HTR2C: variants seen among roughly 807,000 people sequenced by gnomAD.
The protein encoded by HTR2C is 5-hydroxytryptamine (serotonin) receptor 2C, G protein-coupled.
In HTR2C, 5 loss-of-function variants were observed where a neutral mutation model predicts 21.0. That is an observed-to-expected ratio of 0.24 (90% CI 0.12 to 0.50). The LOEUF (loss-of-function observed/expected upper bound fraction) is 0.50. Ranked by LOEUF, HTR2C falls within the 20% of genes least tolerant of loss-of-function variation. The pLI, the probability that HTR2C is intolerant of heterozygous loss-of-function variation, is 0.98. For synonymous variants in HTR2C, 150 were observed against 145.3 expected, an observed-to-expected ratio of 1.03 and a Z score of -0.23; for missense variants, 271 against 371.2, an observed-to-expected ratio of 0.73 and a Z score of 2.22.
intron 4 of HTR2C, among the ~76,000 whole-genome samples, chrX:114,815,063 G>A (rs1456762200): frequency 9.5e-6 from 1 of 105,521 alleles, no homozygotes; most frequent in Non-Finnish European, 1.9e-5. Flanking sequence ...TGCTTTATAA[G>A]CATTTCTTTT....
intron 2 of HTR2C, among the ~76,000 whole-genome samples, chrX:114,614,642 ATAGC>A (rs1487109929): frequency 9.0e-6 from 1 of 111,620 alleles, no homozygotes; most frequent in African/African-American, 3.3e-5. Flanking sequence ...TTTAGAAAAC[ATAGC>A]TAGCTCTTCA....
Position 114,840,869 on chromosome X carries a change from G to A in HTR2C, c.350-7134G>A, listed in dbSNP as rs190898941. ...TATACTGGTGAAGGTTGAGCATGTC[G>A]CCAACCTAAACAAGAGTATTATAAA... On this transcript the variant is annotated intron_variant, in intron 4 of 5. Transcript: ENST00000276198. 2.8e-3 allele frequency among the ~76,000 whole-genome samples: 312 copies of A among 111,184 alleles called. 1 individual carries two copies. Among genetic ancestry groups the A allele is most frequent in the African/African-American group, 8.6e-3 (263 of 30,610 alleles).
intron 5 of HTR2C, among the ~76,000 whole-genome samples, chrX:114,856,791 A>C (rs1424798266): frequency 9.0e-6 from 1 of 111,694 alleles, no homozygotes; most frequent in Non-Finnish European, 1.9e-5. Flanking sequence ...CCAAAAGTAC[A>C]TAGTGATAAA....
At chrX:114,841,621 G>A (rs1464936583) in intron 4 of HTR2C, among the ~76,000 whole-genome samples, 3 of 110,651 alleles carry the variant, frequency 2.7e-5, no homozygotes, top group African/African-American at 9.9e-5. Flanking sequence ...GGCACCTGTA[G>A]TCCCAGCTAC....
chrX:114,877,942 G>A (rs1261405085), intron 5 of HTR2C, among the ~76,000 whole-genome samples: 1 of 110,739 alleles, frequency 9.0e-6, no homozygotes, highest in Non-Finnish European at 1.9e-5. Context: ...ATTGTTGGAT[G>A]TAAAGTTCTG....
Position 114,878,813 on chromosome X carries a change from C to T in HTR2C, c.551-27776C>T, listed in dbSNP as rs782680349. Reference sequence around the variant, plus strand: ...TCCAGAATCTTTTGTTATTAATTTCCGACATAATTCCACAGTTATAAGGGA... The same window carrying T: ...TCCAGAATCTTTTGTTATTAATTTCTGACATAATTCCACAGTTATAAGGGA... On this transcript the variant is annotated intron_variant, in intron 5 of 5. Transcript: ENST00000276198. Among the ~76,000 whole-genome samples, 36 of 110,041 alleles carry T rather than the reference C, an allele frequency of 3.3e-4. No individual in the cohort carries two copies. The South Asian group carries it at 0.012, about 38-fold the overall frequency.
intron 5 of HTR2C, among the ~76,000 whole-genome samples, chrX:114,866,002 A>G (rs1273132771): frequency 2.7e-5 from 3 of 110,424 alleles, no homozygotes; most frequent in Non-Finnish European, 3.8e-5. Context: ...TTTTTAGTAG[A>G]GACGGGATTT....
chrX:114,716,082 A>G (rs781828526), intron 2 of HTR2C, among the ~76,000 whole-genome samples: 34 of 112,826 alleles, frequency 3.0e-4, no homozygotes, highest in Middle Eastern at 9.3e-3. Context: ...TGCTCTTTGA[A>G]AACCTTCAGT....
chrX:114,808,115 C>G (rs1556451428), intron 4 of HTR2C, among the ~76,000 whole-genome samples: 1 of 110,512 alleles, frequency 9.0e-6, no homozygotes, highest in Admixed American at 9.8e-5. Flanking sequence ...TCCCCTCCCC[C>G]AAACCCACTA....
chrX:114,638,800 T>A (rs1262678490), intron 2 of HTR2C, among the ~76,000 whole-genome samples: 3 of 104,555 alleles, frequency 2.9e-5, no homozygotes, highest in Non-Finnish European at 5.9e-5. Flanking sequence ...CTTGTGATAG[T>A]TTACTGAGAA....
rs150103520 is a variant in HTR2C at position 114,614,400 on chromosome X, C to T, written c.-80+519C>T. On this transcript the variant is annotated intron_variant, in intron 2 of 5. Coordinates refer to ENST00000276198, the MANE Select transcript of HTR2C (RefSeq NM_000868.4). ...CTCAGCCTCTGGGTAGCTAGGATTA[C>T]AGGTGCATGCCACCACACCAGGCTA... 2.5e-3 allele frequency among the ~76,000 whole-genome samples: 281 copies of T among 110,343 alleles called. 4 individuals carry two copies. The East Asian group carries it at 0.04, about 16-fold the overall frequency.
chrX:114,611,720 C>T (rs1336012619), intron 1 of HTR2C, among the ~76,000 whole-genome samples: 2 of 111,237 alleles, frequency 1.8e-5, no homozygotes, highest in Non-Finnish European at 3.8e-5. Flanking sequence ...TTTTTTGAGA[C>T]GGAGTCTCGC....
At chrX:114,611,698 T>A (rs781809777) in intron 1 of HTR2C, among the ~76,000 whole-genome samples, 16 of 111,566 alleles carry the variant, frequency 1.4e-4, no homozygotes, top group East Asian at 5.7e-4. Context: ...TGGTTTTTTT[T>A]AGTTTTTTTC....
At chrX:114,741,524 TA>T (rs782206973) in intron 4 of HTR2C, among the ~76,000 whole-genome samples, 412 of 4,877 alleles carry the variant, frequency 0.084, 20 homozygotes, top group African/African-American at 0.16. Context: ...CGACTCCGTC[TA>T]AAAAAAAAAA....
chrX:114,676,941 T>C (rs1931582824), intron 2 of HTR2C, among the ~76,000 whole-genome samples: 1 of 112,155 alleles, frequency 8.9e-6, no homozygotes, highest in Non-Finnish European at 1.9e-5. Flanking sequence ...AGTTCAGTGA[T>C]GGGACTCCTT....
intron 4 of HTR2C, among the ~76,000 whole-genome samples, chrX:114,835,494 G>T (rs371528023): frequency 1.3e-4 from 14 of 108,604 alleles, no homozygotes; most frequent in African/African-American, 4.0e-4. Context: ...CCAGTTGATC[G>T]CATCGGCTCC....
intron 4 of HTR2C, among the ~76,000 whole-genome samples, chrX:114,829,958 A>T (rs1332061496): frequency 1.8e-5 from 2 of 111,291 alleles, no homozygotes; most frequent in African/African-American, 6.5e-5. Context: ...GCTATTCGAG[A>T]TCCCTTAAGA....
chrX:114,801,016 T>C (rs2070340994), intron 4 of HTR2C, among the ~76,000 whole-genome samples: 1 of 111,155 alleles, frequency 9.0e-6, no homozygotes, highest in South Asian at 3.7e-4. Flanking sequence ...AGAGAGCCCA[T>C]TAATAGGAAA....
At chrX:114,893,950 G>T (rs2071277048) in intron 5 of HTR2C, among the ~76,000 whole-genome samples, 1 of 111,935 alleles carries the variant, frequency 8.9e-6, no homozygotes, top group Non-Finnish European at 1.9e-5. Flanking sequence ...CATAGACTGT[G>T]ATGATAATGC....
Sources: gnomAD v4.1 joint callset for allele counts (sites outside exome capture counted in the v4.1 genomes callset) on GRCh38, gnomAD v4.1.1 for gene constraint, MANE v1.5 for transcripts, NCBI Gene and HGNC (gene_info 2026-07-23, HGNC 2026-07-21) for gene names.